WDR20: variants seen among roughly 807,000 people sequenced by gnomAD.
WDR20 encodes the protein WD repeat domain 20, also known as WD repeat-containing protein 20.
A neutral mutation model predicts 38.7 loss-of-function variants in WDR20; 3 were observed. The observed-to-expected ratio is 0.08, with a 90% confidence interval of 0.04 to 0.20. The LOEUF is 0.20. Ranked by LOEUF, WDR20 falls within the 10% of genes least tolerant of loss-of-function variation. WDR20 has a pLI of 1.00. For missense variants in WDR20, 559 were observed against 727.7 expected (o/e 0.77, Z 2.67); for synonymous variants, 298 against 285.6 (o/e 1.04, Z -0.44).
At chr14:102,161,510 C>T (rs959580045) in intron 1 of WDR20, among the ~76,000 whole-genome samples, 10 of 151,914 alleles carry the variant, frequency 6.6e-5, no homozygotes, top group African/African-American at 2.2e-4. Context: ...GACAGGGTTT[C>T]GCCATATTGC....
chr14:102,174,988 A>G (rs1484113819), intron 1 of WDR20, among the ~76,000 whole-genome samples: 1 of 151,898 alleles, frequency 6.6e-6, no homozygotes, highest in Non-Finnish European at 1.5e-5. Flanking sequence ...GTTTGTGAAG[A>G]TTTTCTCTGC....
At chr14:102,206,213 C>T (rs1353848288) in intron 2 of WDR20, among the ~76,000 whole-genome samples, 1 of 152,200 alleles carries the variant, frequency 6.6e-6, no homozygotes. Flanking sequence ...TCTCGAACTC[C>T]TGACCTAAAG....
chr14:102,165,894 C>T (rs1164034172), intron 1 of WDR20, among the ~76,000 whole-genome samples: 1 of 152,136 alleles, frequency 6.6e-6, no homozygotes. Context: ...CCTGCCTCGG[C>T]CTCCTGAAGT....
At chr14:102,157,011 T>A (rs2152750401) in intron 1 of WDR20, among the ~76,000 whole-genome samples, 1 of 152,036 alleles carries the variant, frequency 6.6e-6, no homozygotes, top group East Asian at 1.9e-4. Flanking sequence ...ATAAATAAAA[T>A]AAAAATTATT....
At chr14:102,166,971 G>T (rs2059900281) in intron 1 of WDR20, among the ~76,000 whole-genome samples, 1 of 152,194 alleles carries the variant, frequency 6.6e-6, no homozygotes, top group African/African-American at 2.4e-5. Context: ...TCTCTGGAGA[G>T]CAGTCAGTGA....
chr14:102,176,573 A>T (rs1197857294), intron 1 of WDR20, among the ~76,000 whole-genome samples: 2 of 151,984 alleles, frequency 1.3e-5, no homozygotes, highest in African/African-American at 4.8e-5. Context: ...GGATTTTTAC[A>T]TCTCCGTTCG....
chr14:102,214,804 A>G (rs1335471792), downstream of WDR20: 9 of 979,988 alleles, frequency 9.2e-6, no homozygotes, highest in Middle Eastern at 5.2e-4. Context: ...TACTGTTGCA[A>G]TAATTAATGA....
downstream of WDR20, chr14:102,214,251 C>CA: frequency 3.0e-6 from 3 of 985,650 alleles, no homozygotes; most frequent in Non-Finnish European, 3.6e-6. Context: ...AGGGCCCCCC[C>CA]TTGTCTGGAG....
At chr14:102,210,745 G>C (rs2062387134), downstream of WDR20, among the ~76,000 whole-genome samples, 1 of 152,094 alleles carries the variant, frequency 6.6e-6, no homozygotes, top group East Asian at 1.9e-4. Flanking sequence ...GGGGCGGGGA[G>C]GTGCGGTGGG....
chr14:102,213,203 G>A (rs2062775156), downstream of WDR20: 3 of 985,478 alleles, frequency 3.0e-6, no homozygotes, highest in Non-Finnish European at 3.6e-6. Flanking sequence ...TGGCCCTGGA[G>A]CCTTTCTCTG....
rs761864309 is a variant in WDR20, at chr14:102,208,711, C to T, written c.541C>T (p.His181Tyr). The change falls in exon 3 of 3, where the codon CAC becomes TAC. Residue 181 changes from histidine to tyrosine, a missense_variant. Coordinates refer to ENST00000342702, the MANE Select transcript of WDR20 (RefSeq NM_144574.4). The surrounding 1 kb of genome is among the most constrained non-coding windows in gnomAD (Gnocchi z 5.6). ...GAACATGTACTTATATAATGTGGAG[C>T]ACACTTGTGGCACCACAGCCCCCCA... ...SGNMYLYNVE[H>Y]TCGTTAPHYQ... 6.2e-7 allele frequency: 1 copy of T among 1,614,186 alleles called. No individual in the cohort carries two copies. Among genetic ancestry groups the T allele is most frequent in the Admixed American group, 1.7e-5 (1 of 60,020 alleles).
chr14:102,222,253 C>T lies in WDR20; in HGVS notation c.1693-577C>T, dbSNP rs540302177. On this transcript the variant is annotated intron_variant, in intron 3 of 3. Coordinates refer to the WDR20 transcript ENST00000335263. This position sits in a 1 kb window ranked among gnomAD's most constrained non-coding sequence, Gnocchi z 4.4. ...CTTTGTTCTGGGGCTCCCCCGACCT[C>T]GGCCTGGGCCCTGCTGTCTCTACCT... Among the ~76,000 whole-genome samples the T allele has an allele frequency of 1.5e-4, 23 of 152,346 alleles. No individual in the cohort carries two copies. The highest frequency in any genetic ancestry group is 5.3e-4 in the African/African-American group (22 of 41,594).
rs1324946994 is a variant in WDR20 at position 102,210,514 on chromosome 14, C to T, written c.*634C>T. Reference sequence around the variant, plus strand: ...ACAATTAAAGTTGTTTAATAAACATCTTTTTTCAAAGAAGCAGTTTGTAGC... The same window carrying T: ...ACAATTAAAGTTGTTTAATAAACATTTTTTTTCAAAGAAGCAGTTTGTAGC... On this transcript the variant is annotated 3_prime_UTR_variant, in exon 3 of 3. Transcript: ENST00000342702. 1.0e-6 allele frequency: 1 copy of T among 985,186 alleles called. No individual in the cohort carries two copies. Among genetic ancestry groups the T allele is most frequent in the Non-Finnish European group, 1.2e-6 (1 of 829,916 alleles). 61.0% of individuals were successfully genotyped at this position (985,186 alleles called of 1,614,324 possible). A position where few individuals can be genotyped will look rare whatever the true frequency, so the allele number is the denominator to read the frequency against.
At chr14:102,142,596 G>A (rs1042525702) in intron 1 of WDR20, among the ~76,000 whole-genome samples, 1 of 151,676 alleles carries the variant, frequency 6.6e-6, no homozygotes, top group East Asian at 1.9e-4. Flanking sequence ...TGGAACTACA[G>A]GTGTGCACCA....
intron 1 of WDR20, among the ~76,000 whole-genome samples, chr14:102,166,507 G>T: frequency 6.6e-6 from 1 of 152,094 alleles, no homozygotes; most frequent in East Asian, 1.9e-4. Flanking sequence ...CTATTTTTAT[G>T]ACTGCCCCTC....
rs1185980336 is a variant in WDR20 at position 102,209,023 on chromosome 14, T to C, written c.853T>C (p.Leu285=). The C allele has an allele frequency of 6.2e-7, 1 of 1,614,020 alleles. No individual in the cohort carries two copies. The highest frequency in any genetic ancestry group is 8.5e-7 in the Non-Finnish European group (1 of 1,180,026). Residue 285 remains leucine, a synonymous_variant, in exon 3 of 3, where the codon TTG becomes CTG. Transcript: ENST00000342702. This position sits in a 1 kb window ranked among gnomAD's most constrained non-coding sequence, Gnocchi z 6.0. ...KYIVTGGEDD[L]VTVWSFVDCR... is the part of the protein sequence containing the mutation. The stretch of plus-strand genomic sequence containing the variant: ...CATCGTGACAGGTGGGGAGGACGAC[T>C]TGGTGACAGTCTGGTCCTTTGTAGA...
intron 1 of WDR20, among the ~76,000 whole-genome samples, chr14:102,194,610 G>T (rs925853282): frequency 3.3e-5 from 5 of 152,206 alleles, no homozygotes; most frequent in African/African-American, 1.2e-4. Flanking sequence ...GACACTGCTT[G>T]AAATGCATTT....
In WDR20 at chr14:102,207,042, CAGG is replaced by C. The variant is rs759984162; in HGVS notation, c.433-1556_433-1554del. On this transcript the variant is annotated intron_variant, in intron 2 of 2. Coordinates refer to ENST00000342702, the MANE Select transcript of WDR20 (RefSeq NM_144574.4). This position sits in a 1 kb window ranked among gnomAD's most constrained non-coding sequence, Gnocchi z 5.0. ...TGCTGTTTATAGGTAGGTCACCAGGCAGGAGGATAAAGAGGAGGTGGGGGATGA... is the reference window on the plus strand; with the variant it reads ...TGCTGTTTATAGGTAGGTCACCAGGCAGGATAAAGAGGAGGTGGGGGATGA... Among the ~76,000 whole-genome samples the C allele has an allele frequency of 6.6e-6, 1 of 152,202 alleles. No individual in the cohort carries two copies. Among genetic ancestry groups the C allele is most frequent in the Non-Finnish European group, 1.5e-5 (1 of 68,038 alleles).
intron 1 of WDR20, among the ~76,000 whole-genome samples, chr14:102,170,266 C>T (rs530298899): frequency 4.6e-5 from 7 of 152,240 alleles, no homozygotes; most frequent in Middle Eastern, 3.4e-3. Context: ...TGTTTCTAGT[C>T]TTTACACGCT....
Sources: gnomAD v4.1 joint callset for allele counts (sites outside exome capture counted in the v4.1 genomes callset) on GRCh38, gnomAD v4.1.1 for gene constraint, Gnocchi (gnomAD v3.1) non-coding constraint, MANE v1.5 for transcripts, NCBI Gene and HGNC (gene_info 2026-07-23, HGNC 2026-07-21) for gene names.